The following MSI2 variants were observed in gnomAD, a reference collection of about 807,000 sequenced individuals.
MSI2 encodes musashi RNA binding protein 2.
A neutral mutation model predicts 45.6 loss-of-function variants in MSI2; 17 were observed. The observed-to-expected ratio is 0.37, with a 90% CI of 0.26 to 0.56. The LOEUF (loss-of-function observed/expected upper bound fraction) is 0.56. Among genes scored for constraint, MSI2 ranks in the 20% least tolerant of loss-of-function variants. The pLI is 0.77. For missense variants in MSI2, 293 were observed against 444.2 expected (o/e 0.66, Z 3.06); for synonymous variants, 156 against 158.2 (o/e 0.99, Z 0.11).
intron 11 of MSI2, among the ~76,000 whole-genome samples, chr17:57,662,631 G>A: frequency 6.6e-6 from 1 of 152,196 alleles, no homozygotes; most frequent in South Asian, 2.1e-4. Flanking sequence ...CATCGTACCA[G>A]CCCTGGGATG....
chr17:57,283,309 T>C (rs763981794), intron 5 of MSI2, among the ~76,000 whole-genome samples: 56 of 152,152 alleles, frequency 3.7e-4, no homozygotes, highest in Admixed American at 3.1e-3. Context: ...CAGTCAGTAA[T>C]GTCAGCCCCT....
chr17:57,373,761 CT>C (rs2083454242), intron 5 of MSI2, among the ~76,000 whole-genome samples: 1 of 152,356 alleles, frequency 6.6e-6, no homozygotes, highest in African/African-American at 2.4e-5. Flanking sequence ...CACTGTCCTG[CT>C]GTGATCTCCA....
At chr17:57,693,495 A>G in the MSI2 span, among the ~76,000 whole-genome samples, 1 of 152,204 alleles carries the variant, frequency 6.6e-6, no homozygotes, top group African/African-American at 2.4e-5. Flanking sequence ...TATCAAGTTT[A>G]CGGATCAGCT....
intron 10 of MSI2, among the ~76,000 whole-genome samples, chr17:57,651,651 G>C (rs1040651855): frequency 2.0e-5 from 3 of 152,216 alleles, no homozygotes; most frequent in Non-Finnish European, 2.9e-5. Context: ...CTGTCAAGAG[G>C]CCGTCCCAAG....
Position 57,529,259 on chromosome 17 carries a change from G to T in MSI2, c.406-417G>T, listed in dbSNP as rs529705765. ...AAGACCAGTCTGAGCAACATAGTGG[G>T]ACCCTGTCTCTAAAAAAATAAAATA... On this transcript the variant is annotated intron_variant, in intron 6 of 13. Coordinates refer to ENST00000284073, the MANE Select transcript of MSI2 (RefSeq NM_138962.4). This position sits in a 1 kb window ranked among gnomAD's most constrained non-coding sequence, Gnocchi z 5.3. Among the ~76,000 whole-genome samples, 60 of 152,122 alleles carry T rather than the reference G, an allele frequency of 3.9e-4. No homozygotes were observed. Among genetic ancestry groups the T allele is most frequent in the Non-Finnish European group, 5.0e-4 (34 of 67,994 alleles).
chr17:57,513,755 G>A (rs977982345), intron 6 of MSI2, among the ~76,000 whole-genome samples: 9 of 152,204 alleles, frequency 5.9e-5, no homozygotes, highest in Admixed American at 4.6e-4. Context: ...CTGTGGTGAT[G>A]AAGGGCAGTT....
Position 57,679,639 on chromosome 17 carries a change from T to C in MSI2, c.*122T>C. ...CCTCAGACCTGGACCCCCACCAGCCTCACTCCCCATCCCAACCAGAGATGG... is the reference window on the plus strand; with the variant it reads ...CCTCAGACCTGGACCCCCACCAGCCCCACTCCCCATCCCAACCAGAGATGG... On this transcript the variant is annotated 3_prime_UTR_variant, in exon 14 of 14. Coordinates refer to ENST00000284073, the MANE Select transcript of MSI2 (RefSeq NM_138962.4). 1 of 1,061,996 alleles carries C rather than the reference T, an allele frequency of 9.4e-7. No homozygotes were observed. Among genetic ancestry groups the C allele is most frequent in the Non-Finnish European group, 1.1e-6 (1 of 876,258 alleles). The allele number at this position is 1,061,996 out of a possible 1,614,324, so 65.8% of individuals were successfully genotyped here.
At chr17:57,551,958 A>G (rs1160777358) in intron 7 of MSI2, among the ~76,000 whole-genome samples, 2 of 152,162 alleles carry the variant, frequency 1.3e-5, no homozygotes, top group Non-Finnish European at 2.9e-5. Context: ...CTCCAAGCCA[A>G]TAGCCCAGCT....
chr17:57,613,757 C>A (rs1175795122), intron 8 of MSI2, among the ~76,000 whole-genome samples: 1 of 152,116 alleles, frequency 6.6e-6, no homozygotes, highest in African/African-American at 2.4e-5. Flanking sequence ...TGTCTTTTAC[C>A]CATGTCTGTT....
intron 5 of MSI2, among the ~76,000 whole-genome samples, chr17:57,317,365 T>G (rs1326018251): frequency 6.6e-6 from 1 of 152,142 alleles, no homozygotes; most frequent in Non-Finnish European, 1.5e-5. Context: ...TGGGAAAATT[T>G]TAACCCCATC....
chr17:57,400,238 G>A (rs574334234), intron 5 of MSI2, among the ~76,000 whole-genome samples: 2 of 75,374 alleles, frequency 2.7e-5, no homozygotes, highest in East Asian at 8.1e-4. Flanking sequence ...AACAGTTAAT[G>A]TCATTCTCCT....
intron 6 of MSI2, among the ~76,000 whole-genome samples, chr17:57,462,394 C>T (rs1300559171): frequency 6.6e-6 from 1 of 152,194 alleles, no homozygotes; most frequent in Non-Finnish European, 1.5e-5. Flanking sequence ...TGCCAGGACT[C>T]CTTTCTTTGC....
intron 5 of MSI2, among the ~76,000 whole-genome samples, chr17:57,366,931 A>G (rs1157002978): frequency 6.6e-6 from 1 of 152,184 alleles, no homozygotes; most frequent in Admixed American, 6.5e-5. Flanking sequence ...CAGAGGCACA[A>G]CAGTGTTTGA....
At chr17:57,569,356 A>G (rs1190289660) in intron 7 of MSI2, among the ~76,000 whole-genome samples, 2 of 152,194 alleles carry the variant, frequency 1.3e-5, no homozygotes. Context: ...GACAGTAGAA[A>G]AGGCATCTCT....
chr17:57,654,430 T>C (rs4793886), intron 11 of MSI2, among the ~76,000 whole-genome samples: 124,792 of 152,278 alleles, frequency 0.82, 51,788 homozygotes, highest in African/African-American at 0.93. Context: ...ACCTCACTCC[T>C]TCTAGAAAAT....
intron 5 of MSI2, chr17:57,285,904 G>A: frequency 6.5e-7 from 1 of 1,532,480 alleles, no homozygotes; most frequent in Middle Eastern, 1.7e-4. Flanking sequence ...GTTATATTAA[G>A]AAAGTACTAA....
chr17:57,418,192 G>A (rs1317305302), intron 6 of MSI2, among the ~76,000 whole-genome samples: 1 of 152,200 alleles, frequency 6.6e-6, no homozygotes, highest in Admixed American at 6.5e-5. Context: ...TACAAAAACA[G>A]GCAGCAGGCC....
At chr17:57,289,504 T>A (rs569029819) in intron 5 of MSI2, among the ~76,000 whole-genome samples, 7 of 152,060 alleles carry the variant, frequency 4.6e-5, no homozygotes, top group African/African-American at 1.4e-4. Context: ...AAAGTTTTGC[T>A]TGCCAGGACT....
At chr17:57,312,949 C>T (rs1050778689) in intron 5 of MSI2, among the ~76,000 whole-genome samples, 6 of 152,106 alleles carry the variant, frequency 3.9e-5, no homozygotes, top group South Asian at 2.1e-4. Flanking sequence ...TGGGTTCAAG[C>T]GATTCTCCTG....
Sources: allele counts gnomAD v4.1 joint callset (sites outside exome capture counted in the v4.1 genomes callset), GRCh38; gene constraint gnomAD v4.1.1; non-coding constraint Gnocchi (gnomAD v3.1); transcripts MANE v1.5; gene names NCBI Gene and HGNC (gene_info 2026-07-23, HGNC 2026-07-21).